Variants in PRKN observed in about 807,000 individuals in gnomAD.
PRKN encodes the protein E3 ubiquitin-protein ligase parkin.
PRKN carries 56 observed loss-of-function variants against 59.5 expected under a neutral mutation model. That is an observed-to-expected ratio of 0.94 (90% CI 0.76 to 1.18). The LOEUF (loss-of-function observed/expected upper bound fraction) is 1.18. PRKN is among the 50% of genes most tolerant of loss of function. The pLI is 0.00. For synonymous variants in PRKN, 250 were observed against 222.1 expected, an observed-to-expected ratio of 1.13 and a Z score of -1.12; for missense variants, 657 against 596.4, an observed-to-expected ratio of 1.10 and a Z score of -1.06.
intron 1 of PRKN, among the ~76,000 whole-genome samples, chr6:162,443,732 C>T (rs1790175179): frequency 6.6e-6 from 1 of 152,132 alleles, no homozygotes; most frequent in Non-Finnish European, 1.5e-5. Context: ...TGACATCCAT[C>T]CTGGGAAACA....
At chr6:162,250,422 T>TCA (rs144162440) in intron 3 of PRKN, among the ~76,000 whole-genome samples, 93 of 151,958 alleles carry the variant, frequency 6.1e-4, no homozygotes, top group African/African-American at 2.1e-3. Context: ...TTTATCTCTC[T>TCA]CACACACACA....
rs1489951660 is a variant in PRKN, at chr6:161,578,430, A to G, written c.872-9014T>C. 6.6e-6 allele frequency among the ~76,000 whole-genome samples: 1 copy of G among 152,270 alleles called. No homozygotes were observed. The highest frequency in any genetic ancestry group is 2.4e-5 in the African/African-American group (1 of 41,472). ...CATCTGAGTAGCCATCTCTCTTAAC[A>G]GGAAATCAGACGGTTCACCTGGGCA... is the stretch of plus-strand genomic sequence containing the variant. On this transcript the variant is annotated intron_variant, in intron 7 of 11. Transcript: ENST00000366898. The surrounding 1 kb of genome is among the most constrained non-coding windows in gnomAD (Gnocchi z 4.2).
At chr6:162,230,994 G>C (rs1452263651) in intron 3 of PRKN, among the ~76,000 whole-genome samples, 2 of 152,176 alleles carry the variant, frequency 1.3e-5, no homozygotes, top group Non-Finnish European at 2.9e-5. Context: ...TTGGACTGAT[G>C]GTTCCTGTAC....
At chr6:162,545,863 T>C (rs1203609455) in intron 1 of PRKN, among the ~76,000 whole-genome samples, 3 of 152,126 alleles carry the variant, frequency 2.0e-5, no homozygotes, top group Admixed American at 1.3e-4. Context: ...TGTGGGCAAT[T>C]AGCAAATGAA....
rs1778708355 is a variant in PRKN at position 161,518,722 on chromosome 6, C to T, written c.1083+30132G>A. 6.6e-6 allele frequency among the ~76,000 whole-genome samples: 1 copy of T among 152,232 alleles called. No homozygotes were observed. Among genetic ancestry groups the T allele is most frequent in the East Asian group, 1.9e-4 (1 of 5,188 alleles). ...AAGTTTCCACACATCCTCCTGCCTG[C>T]TGCAGAGGGCCGGCGGTGTGCCTTG... On this transcript the variant is annotated intron_variant, in intron 9 of 11. Transcript: ENST00000366898. The surrounding 1 kb of genome is among the most constrained non-coding windows in gnomAD (Gnocchi z 5.0).
chr6:162,095,400 A>C (rs1779683615), intron 4 of PRKN, among the ~76,000 whole-genome samples: 2 of 152,170 alleles, frequency 1.3e-5, no homozygotes, highest in Admixed American at 6.5e-5. Context: ...GACTAGAATG[A>C]ACTGGTTAGC....
chr6:162,137,102 A>G (rs1781587481), intron 4 of PRKN, among the ~76,000 whole-genome samples: 1 of 152,170 alleles, frequency 6.6e-6, no homozygotes, highest in Non-Finnish European at 1.5e-5. Flanking sequence ...TCTAAGAAAA[A>G]TATAGTAACA....
intron 1 of PRKN, among the ~76,000 whole-genome samples, chr6:162,459,081 A>C (rs1226144853): frequency 6.6e-6 from 1 of 152,086 alleles, no homozygotes; most frequent in Non-Finnish European, 1.5e-5. Flanking sequence ...TGGCCTCCCA[A>C]AGTGCTGGGA....
intron 3 of PRKN, among the ~76,000 whole-genome samples, chr6:162,249,827 A>G (rs1333769930): frequency 1.3e-5 from 2 of 151,362 alleles, no homozygotes; most frequent in Non-Finnish European, 2.9e-5. Flanking sequence ...TTCTGTGATT[A>G]AAACAAAACA....
At chr6:162,529,726 A>G (rs1451185507) in intron 1 of PRKN, among the ~76,000 whole-genome samples, 1 of 152,184 alleles carries the variant, frequency 6.6e-6, no homozygotes, top group East Asian at 1.9e-4. Context: ...GGACAACTGA[A>G]GTCCATCCCT....
intron 6 of PRKN, among the ~76,000 whole-genome samples, chr6:161,946,823 T>A (rs1337243655): frequency 2.0e-5 from 3 of 152,162 alleles, no homozygotes; most frequent in Non-Finnish European, 4.4e-5. Flanking sequence ...CTAAATAAAT[T>A]ACAGTACAAT....
At chr6:161,367,352 T>C (rs891572413) in intron 10 of PRKN, among the ~76,000 whole-genome samples, 20 of 152,022 alleles carry the variant, frequency 1.3e-4, no homozygotes, top group African/African-American at 4.8e-4. Context: ...CCACTTTCTT[T>C]TGCAGTGGGG....
Position 161,498,169 on chromosome 6 carries a change from A to T in PRKN, c.1083+50685T>A, listed in dbSNP as rs146116342. 8.3e-4 allele frequency among the ~76,000 whole-genome samples: 127 copies of T among 152,324 alleles called. No individual in the cohort carries two copies. The highest frequency in any genetic ancestry group is 3.0e-3 in the African/African-American group (123 of 41,566). ...TATTGTTAATCAATTTCTAACCTAT[A>T]CTATTCATAATTTAGCTGATAGAAA... On this transcript the variant is annotated intron_variant, in intron 9 of 11. Transcript: ENST00000366898. The surrounding 1 kb of genome is among the most constrained non-coding windows in gnomAD (Gnocchi z 4.2).
intron 1 of PRKN, among the ~76,000 whole-genome samples, chr6:162,556,368 T>TGTGTGTGC (rs1554243453): frequency 0.02 from 1,975 of 98,082 alleles, 84 homozygotes; most frequent in African/African-American, 0.052. Context: ...TGTGTGTGTG[T>TGTGTGTGC]GTGTGTGTGT....
rs114624596 is a variant in PRKN at position 162,466,516 on chromosome 6, A to T, written c.8-23043T>A. On this transcript the variant is annotated intron_variant, in intron 1 of 11. Coordinates refer to ENST00000366898, the MANE Select transcript of PRKN (RefSeq NM_004562.3). ...CAGGCTCAAGTAATCCTCCCACCTC[A>T]CCCTCAAGAGTAAGCAGGACAATAG... Among the ~76,000 whole-genome samples, 607 of 152,042 alleles carry T rather than the reference A, an allele frequency of 4.0e-3. 3 individuals are homozygous for T. The highest frequency in any genetic ancestry group is 0.014 in the African/African-American group (574 of 41,506).
intron 2 of PRKN, among the ~76,000 whole-genome samples, chr6:162,340,791 G>A (rs776140155): frequency 6.6e-6 from 1 of 151,786 alleles, no homozygotes; most frequent in African/African-American, 2.4e-5. Context: ...AGACCTAAAC[G>A]TTAAGACCTA....
Position 161,829,447 on chromosome 6 carries a change from C to T in PRKN, c.735-43539G>A, listed in dbSNP as rs775103133. ...CATTTTGATGAATCTAGGCTTTTGG[C>T]GGTTTTCACTGATCTTTAGGCTCTC... On this transcript the variant is annotated intron_variant, in intron 6 of 11. Transcript: ENST00000366898. Among the ~76,000 whole-genome samples the T allele has an allele frequency of 3.0e-4, 45 of 152,176 alleles. No individual in the cohort carries two copies. In the Middle Eastern group the frequency reaches 0.01, roughly 35 times the overall value.
At chr6:162,502,448 T>A (rs556886266) in intron 1 of PRKN, among the ~76,000 whole-genome samples, 42 of 152,262 alleles carry the variant, frequency 2.8e-4, no homozygotes, top group African/African-American at 1.0e-3. Flanking sequence ...GTGAGCCACC[T>A]TGCCTGGCTG....
rs1554267941 is a variant in PRKN at position 161,499,132 on chromosome 6, A to ACT, written c.1083+49721_1083+49722insAG. Among the ~76,000 whole-genome samples, 16 of 136,566 alleles carry ACT rather than the reference A, an allele frequency of 1.2e-4. No homozygotes were observed. Among genetic ancestry groups the ACT allele is most frequent in the East Asian group, 4.4e-4 (2 of 4,554 alleles). The allele number at this position is 136,566 out of a possible 152,430, so 89.6% of individuals were successfully genotyped here. On this transcript the variant is annotated intron_variant, in intron 9 of 11. Transcript: ENST00000366898. The surrounding 1 kb of genome is among the most constrained non-coding windows in gnomAD (Gnocchi z 4.2). ...AGGGTCTGGACACACACACACACAC[A>ACT]TTTTTTTTTTTTTTTTGGCTCACAG...
Sources: gnomAD v4.1 joint callset for allele counts (sites outside exome capture counted in the v4.1 genomes callset) on GRCh38, gnomAD v4.1.1 for gene constraint, Gnocchi (gnomAD v3.1) non-coding constraint, MANE v1.5 for transcripts, NCBI Gene and HGNC (gene_info 2026-07-23, HGNC 2026-07-21) for gene names.